Variants in SMAD3 observed in about 807,000 individuals in gnomAD.
SMAD3 encodes the protein MAD homolog 3.
A neutral mutation model predicts 51.8 loss-of-function variants in SMAD3; 12 were observed. The observed-to-expected ratio is 0.23, with a 90% CI of 0.15 to 0.38. The LOEUF is 0.38. Ranked by LOEUF, SMAD3 falls within the 10% of genes least tolerant of loss-of-function variation. The probability of loss-of-function intolerance (pLI) is 1.00; values close to 1 mark genes in which losing one functional copy is unlikely to be tolerated. For synonymous variants in SMAD3, 238 were observed against 227.7 expected (o/e 1.05, Z -0.41); for missense variants, 294 against 565.6 (o/e 0.52, Z 4.87).
chr15:67,190,625 T>C lies in SMAD3; in HGVS notation c.*89T>C, dbSNP rs1963338447. On this transcript the variant is annotated 3_prime_UTR_variant, in exon 9 of 9. Coordinates refer to ENST00000327367, the MANE Select transcript of SMAD3 (RefSeq NM_005902.4). Reference sequence around the variant, plus strand: ...ATTGGAACTCTACTCAACCCATTGTTGTCAAGGAAGAAGAAATCTTTCTCC... The same window carrying C: ...ATTGGAACTCTACTCAACCCATTGTCGTCAAGGAAGAAGAAATCTTTCTCC... The C allele has an allele frequency of 7.2e-7, 1 of 1,397,000 alleles. No homozygotes were observed. The highest frequency in any genetic ancestry group is 1.0e-6 in the Non-Finnish European group (1 of 993,036). The allele number at this position is 1,397,000 out of a possible 1,614,324, so 86.5% of individuals were successfully genotyped here.
In SMAD3 at chr15:67,066,199, G is replaced by C. The variant is rs1360950834; in HGVS notation, c.45G>C (p.Leu15=). 1.2e-6 allele frequency: 2 copies of C among 1,612,354 alleles called. No individual in the cohort carries two copies. The highest frequency in any genetic ancestry group is 1.7e-6 in the Non-Finnish European group (2 of 1,179,484). ...TCACTCCCCCGATCGTGAAGCGCCT[G>C]CTGGGCTGGAAGAAGGGCGAGCAGA... ...LPFTPPIVKR[L]LGWKKGEQNG... The change falls in exon 1 of 9, where the codon CTG becomes CTC. Residue 15 remains leucine, a synonymous_variant. Transcript: ENST00000327367.
chr15:67,141,474 T>C (rs1426507360), intron 1 of SMAD3, among the ~76,000 whole-genome samples: 1 of 152,108 alleles, frequency 6.6e-6, no homozygotes, highest in African/African-American at 2.4e-5. Flanking sequence ...TAAAGTTCAT[T>C]GTATTTCAGC....
At chr15:67,101,259 C>A (rs1438740782) in intron 1 of SMAD3, among the ~76,000 whole-genome samples, 1 of 152,176 alleles carries the variant, frequency 6.6e-6, no homozygotes, top group Non-Finnish European at 1.5e-5. Context: ...TGACTATGAA[C>A]ACCTGACACT....
intron 1 of SMAD3, among the ~76,000 whole-genome samples, chr15:67,150,679 A>G (rs1275620008): frequency 6.6e-6 from 1 of 151,970 alleles, no homozygotes; most frequent in Non-Finnish European, 1.5e-5. Flanking sequence ...AAACAGAATG[A>G]CTAAGAGTCC....
At chr15:67,187,088 G>T in intron 7 of SMAD3, 1 of 614,830 alleles carries the variant, frequency 1.6e-6, no homozygotes, top group Admixed American at 2.1e-5. Context: ...TCCCTGCTCT[G>T]GGAGTCGGAG....
chr15:67,166,231 G>T, intron 3 of SMAD3: 5 of 980,116 alleles, frequency 5.1e-6, no homozygotes, highest in Non-Finnish European at 4.9e-6. Context: ...GCAAATCTTG[G>T]AGGGCTTCAG....
intron 1 of SMAD3, among the ~76,000 whole-genome samples, chr15:67,113,534 C>T (rs973429380): frequency 6.6e-6 from 1 of 152,108 alleles, no homozygotes; most frequent in Non-Finnish European, 1.5e-5. Context: ...AATAAGATGA[C>T]ATAAGAGTTA....
At chr15:67,143,330 A>G (rs1447874046) in intron 1 of SMAD3, among the ~76,000 whole-genome samples, 1 of 152,274 alleles carries the variant, frequency 6.6e-6, no homozygotes, top group Non-Finnish European at 1.5e-5. Flanking sequence ...AGAGTTTGTC[A>G]TACAGTGAGC....
chr15:67,138,620 T>A (rs1327602408), intron 1 of SMAD3: 1 of 152,696 alleles, frequency 6.5e-6, no homozygotes, highest in Non-Finnish European at 1.5e-5. Flanking sequence ...TTGTTCCTTC[T>A]TTCTTTCTTC....
chr15:67,106,167 A>C (rs1960873280), intron 1 of SMAD3, among the ~76,000 whole-genome samples: 1 of 151,646 alleles, frequency 6.6e-6, no homozygotes, highest in Non-Finnish European at 1.5e-5. Context: ...CCTCCTCTCC[A>C]CTGGGCCCAT....
intron 1 of SMAD3, among the ~76,000 whole-genome samples, chr15:67,097,396 T>G (rs1160453374): frequency 2.0e-5 from 3 of 150,772 alleles, no homozygotes; most frequent in Admixed American, 6.6e-5. Flanking sequence ...TCATGTTTTT[T>G]TTGTTGTTGT....
chr15:67,113,010 C>T lies in SMAD3; in HGVS notation c.206+46650C>T, dbSNP rs978646039. ...CTCTTTTATTGATCCATACATCTAT[C>T]CTCATGACAGTCTTGACTACTATAG... is the stretch of plus-strand genomic sequence containing the variant. On this transcript the variant is annotated intron_variant, in intron 1 of 8. Transcript: ENST00000327367. 3.2e-5 allele frequency among the ~76,000 whole-genome samples: 4 copies of T among 124,634 alleles called. 1 individual carries two copies. The highest frequency in any genetic ancestry group is 6.5e-5 in the Non-Finnish European group (4 of 61,838). 81.8% of individuals were successfully genotyped at this position (124,634 alleles called of 152,430 possible). A position where few individuals can be genotyped will look rare whatever the true frequency, so the allele number is the denominator to read the frequency against.
At chr15:67,083,254 G>A (rs77175549) in intron 1 of SMAD3, among the ~76,000 whole-genome samples, 2,124 of 152,346 alleles carry the variant, frequency 0.014, 49 homozygotes, top group African/African-American at 0.048. Flanking sequence ...AGGCCCTGAC[G>A]GCCATGCCAG....
chr15:67,073,175 C>G (rs1566958932), intron 1 of SMAD3, among the ~76,000 whole-genome samples: 1 of 152,118 alleles, frequency 6.6e-6, no homozygotes, highest in East Asian at 1.9e-4. Flanking sequence ...TGACAAGGAT[C>G]TCTCTCTCTC....
At chr15:67,074,729 G>A (rs1427146996) in intron 1 of SMAD3, among the ~76,000 whole-genome samples, 1 of 151,846 alleles carries the variant, frequency 6.6e-6, no homozygotes, top group East Asian at 1.9e-4. Context: ...TTGCTGTGTC[G>A]CCCAGGCTGG....
chr15:67,153,449 A>T (rs1356073448), intron 1 of SMAD3, among the ~76,000 whole-genome samples: 1 of 126,490 alleles, frequency 7.9e-6, no homozygotes, highest in African/African-American at 3.0e-5. Flanking sequence ...ACTCCGCTGT[A>T]CTCCAGCCTG....
chr15:67,116,380 T>C (rs1046975908), intron 1 of SMAD3, among the ~76,000 whole-genome samples: 5 of 152,200 alleles, frequency 3.3e-5, no homozygotes, highest in Non-Finnish European at 4.4e-5. Context: ...TCAAGGCTTG[T>C]AGAAATCTTC....
chr15:67,165,297 G>A lies in SMAD3; in HGVS notation c.445G>A (p.Glu149Lys), dbSNP rs1429991069. Residue 149 changes from glutamate to lysine, a missense_variant, in exon 3 of 9, where the codon GAG (glutamate) becomes AAG (lysine). By Grantham distance (56) the Glu-to-Lys change is moderately conservative (BLOSUM62 1). Coordinates refer to ENST00000327367, the MANE Select transcript of SMAD3 (RefSeq NM_005902.4). ...GCCACGCCACACAGAGATCCCGGCCGAGTTCCCCCCACTGGACGACTACAG... is the reference window on the plus strand; with the variant it reads ...GCCACGCCACACAGAGATCCCGGCCAAGTTCCCCCCACTGGACGACTACAG... ...LVPRHTEIPAEFPPLDDYSHS... is the reference protein window; with the variant it reads ...LVPRHTEIPAKFPPLDDYSHS... 3.1e-6 allele frequency: 5 copies of A among 1,614,162 alleles called. No homozygotes were observed. The highest frequency in any genetic ancestry group is 1.3e-5 in the African/African-American group (1 of 75,050).
chr15:67,168,383 G>A (rs1217942705), intron 4 of SMAD3, among the ~76,000 whole-genome samples: 4 of 152,224 alleles, frequency 2.6e-5, no homozygotes, highest in African/African-American at 7.2e-5. Context: ...CTAGTAGCGC[G>A]AACCAGCTGG....
Sources: gnomAD v4.1 joint callset for allele counts (sites outside exome capture counted in the v4.1 genomes callset) on GRCh38, gnomAD v4.1.1 for gene constraint, MANE v1.5 for transcripts, NCBI Gene and HGNC (gene_info 2026-07-23, HGNC 2026-07-21) for gene names.